The following GLI3 variants were observed in gnomAD, a reference collection of about 807,000 sequenced individuals.
The protein encoded by GLI3 is GLI family zinc finger 3, also known as transcription activator GLI3.
In GLI3, 20 loss-of-function variants were observed where a neutral mutation model predicts 100.8. The observed-to-expected ratio is 0.20, with a 90% CI of 0.14 to 0.29. GLI3 has a LOEUF of 0.29. Ranked by LOEUF, GLI3 falls within the 10% of genes least tolerant of loss-of-function variation. The pLI, the probability that GLI3 is intolerant of heterozygous loss-of-function variation, is 1.00. For synonymous variants in GLI3, 938 were observed against 860.5 expected (o/e 1.09, Z -1.58); for missense variants, 2,040 against 2,128.5 (o/e 0.96, Z 0.82).
chr7:42,045,008 C>T (rs1308840960), intron 6 of GLI3, among the ~76,000 whole-genome samples: 1 of 152,206 alleles, frequency 6.6e-6, no homozygotes, highest in Non-Finnish European at 1.5e-5. Context: ...CAGCCTCAGC[C>T]TCCTGAGTAG....
intron 2 of GLI3, among the ~76,000 whole-genome samples, chr7:42,160,895 A>G (rs1787116753): frequency 6.6e-6 from 1 of 152,188 alleles, no homozygotes; most frequent in Non-Finnish European, 1.5e-5. Flanking sequence ...CCAAGTTAAT[A>G]ATCTATAATT....
intron 3 of GLI3, among the ~76,000 whole-genome samples, chr7:42,092,175 CAGG>C (rs1187810262): frequency 1.3e-5 from 2 of 152,224 alleles, no homozygotes; most frequent in African/African-American, 4.8e-5. Context: ...ACCACCCGTG[CAGG>C]AGAAGGCAGA....
At chr7:42,130,997 C>G (rs941609790) in intron 3 of GLI3, among the ~76,000 whole-genome samples, 3 of 151,956 alleles carry the variant, frequency 2.0e-5, no homozygotes, top group East Asian at 1.9e-4. Context: ...TGTAGGGAAG[C>G]CTTTTAAGTT....
At chr7:42,145,506 G>C in intron 3 of GLI3, 2 of 398,296 alleles carry the variant, frequency 5.0e-6, no homozygotes, top group Non-Finnish European at 8.9e-6. Flanking sequence ...GAAGGCCACA[G>C]TGCACAGCTC....
At chr7:41,990,865 A>AGTGTGTGTGTGTGTGT (rs57245025) in intron 10 of GLI3, among the ~76,000 whole-genome samples, 64 of 142,838 alleles carry the variant, frequency 4.5e-4, no homozygotes, top group African/African-American at 1.6e-3. Flanking sequence ...GATTAAGGCA[A>AGTGTGTGTGTGTGTGT]GTGTGTGTGT....
chr7:41,972,440 C>T lies in GLI3; in HGVS notation c.2000G>A (p.Arg667Gln), dbSNP rs373926115. The T allele has an allele frequency of 6.8e-6, 11 of 1,613,376 alleles. No homozygotes were observed. The highest frequency in any genetic ancestry group is 5.0e-5 in the Admixed American group (3 of 59,908). The part of the protein sequence containing the change: ...GSHSQSRSPG[R>Q]PTQGALGEQQ... ...CTCACCAAGGGCTCCCTGAGTCGGT[C>T]GGCCAGGCGACCTGGACTGTGAATG... Residue 667 changes from arginine (R) to glutamine (Q), a missense_variant, in exon 13 of 15, where the codon CGA becomes CAA. Arg to Gln is a conservative substitution (Grantham distance 43). Coordinates refer to ENST00000395925, the MANE Select transcript of GLI3 (RefSeq NM_000168.6). This position sits in a 1 kb window ranked among gnomAD's most constrained non-coding sequence, Gnocchi z 4.4.
intron 10 of GLI3, among the ~76,000 whole-genome samples, chr7:41,996,008 T>C (rs1788114839): frequency 6.6e-6 from 1 of 152,150 alleles, no homozygotes; most frequent in Non-Finnish European, 1.5e-5. Context: ...TAAGTGAAAG[T>C]CCCCTTCAGT....
chr7:42,236,568 G>C (rs1415238693), intron 1 of GLI3, among the ~76,000 whole-genome samples: 2 of 152,138 alleles, frequency 1.3e-5, no homozygotes, highest in Non-Finnish European at 2.9e-5. Flanking sequence ...CGCCGTGCGC[G>C]CCCGAAGCCC....
At chr7:42,057,117 C>T (rs1449496712) in intron 4 of GLI3, among the ~76,000 whole-genome samples, 1 of 152,030 alleles carries the variant, frequency 6.6e-6, no homozygotes, top group African/African-American at 2.4e-5. Flanking sequence ...AACATTTTAA[C>T]ATAATTACTT....
intron 3 of GLI3, among the ~76,000 whole-genome samples, chr7:42,103,115 G>C (rs1054888340): frequency 1.5e-5 from 2 of 136,360 alleles, no homozygotes; most frequent in Admixed American, 1.5e-4. Context: ...AGGCCTGACT[G>C]GGGGAGAGTA....
chr7:42,025,509 C>T (rs181713858), intron 8 of GLI3, 132 bp from the exon 9 acceptor site: 10 of 716,672 alleles, frequency 1.4e-5, no homozygotes, highest in Admixed American at 5.9e-5. Context: ...GATAATTCTC[C>T]AATCCCAGTG....
At chr7:42,230,377 A>C (rs1788675563) in intron 1 of GLI3, among the ~76,000 whole-genome samples, 1 of 152,208 alleles carries the variant, frequency 6.6e-6, no homozygotes, top group African/African-American at 2.4e-5. Flanking sequence ...TTCATGACAG[A>C]CATACCCAAA....
chr7:42,067,643 C>T (rs977106416), intron 4 of GLI3, among the ~76,000 whole-genome samples: 7 of 152,116 alleles, frequency 4.6e-5, no homozygotes, highest in African/African-American at 1.4e-4. Flanking sequence ...TTACTGTGCC[C>T]AGTTAACCTA....
chr7:42,061,165 C>A (rs1252711904), intron 4 of GLI3, among the ~76,000 whole-genome samples: 1 of 152,100 alleles, frequency 6.6e-6, no homozygotes. Flanking sequence ...ACTATTTAAT[C>A]CTTGCTTAAT....
chr7:42,096,431 C>A (rs1368369027), intron 3 of GLI3, among the ~76,000 whole-genome samples: 1 of 152,190 alleles, frequency 6.6e-6, no homozygotes, highest in Admixed American at 6.5e-5. Flanking sequence ...TGGTCCCACC[C>A]CTAAACAGCA....
At chr7:42,115,917 A>C (rs1464153267) in intron 3 of GLI3, among the ~76,000 whole-genome samples, 2 of 152,158 alleles carry the variant, frequency 1.3e-5, no homozygotes, top group Non-Finnish European at 2.9e-5. Flanking sequence ...TATATTAAAA[A>C]TAAGACCAAA....
At chr7:42,243,785 T>C (rs998280662) in intron 1 of GLI3, among the ~76,000 whole-genome samples, 2 of 152,212 alleles carry the variant, frequency 1.3e-5, no homozygotes, top group Non-Finnish European at 2.9e-5. Context: ...TTTATGTCTG[T>C]GCTCTGCCTC....
chr7:41,977,931 A>G, intron 11 of GLI3: 1 of 586,126 alleles, frequency 1.7e-6, no homozygotes, highest in Non-Finnish European at 3.0e-6. Context: ...GTGCCAGTAA[A>G]AGTCCTGAAG....
At chr7:42,054,574 T>C (rs1237726700) in intron 4 of GLI3, among the ~76,000 whole-genome samples, 4 of 152,236 alleles carry the variant, frequency 2.6e-5, no homozygotes, top group Non-Finnish European at 4.4e-5. Flanking sequence ...TCCTTCTTCA[T>C]ATTCAAGCAG....
Sources: allele counts gnomAD v4.1 joint callset (sites outside exome capture counted in the v4.1 genomes callset), GRCh38; gene constraint gnomAD v4.1.1; non-coding constraint Gnocchi (gnomAD v3.1); transcripts MANE v1.5; gene names NCBI Gene and HGNC (gene_info 2026-07-23, HGNC 2026-07-21).